The following PEX13 variants were observed in gnomAD, a reference collection of about 807,000 sequenced individuals.
PEX13 encodes peroxisomal biogenesis factor 13.
In PEX13, 28 loss-of-function variants were observed where a neutral mutation model predicts 34.5. That is an observed-to-expected ratio of 0.81 (90% CI 0.60 to 1.11). The LOEUF (loss-of-function observed/expected upper bound fraction) is 1.11. PEX13 is among the 50% of genes most tolerant of loss of function. PEX13 has a pLI of 0.00. For missense variants in PEX13, 550 were observed against 491.0 expected (o/e 1.12, Z -1.13); for synonymous variants, 177 against 175.1 (o/e 1.01, Z -0.09).
chr2:61,031,309 C>T (rs1297591559), intron 1 of PEX13, 110 bp from the exon 2 acceptor site: 1 of 808,912 alleles, frequency 1.2e-6, no homozygotes, highest in East Asian at 2.6e-5. Context: ...ATTAATCAGT[C>T]TTCAGTAGAA....
chr2:61,045,608 C>T (rs958274491), intron 2 of PEX13, 118 bp from the exon 3 acceptor site: 4 of 766,044 alleles, frequency 5.2e-6, no homozygotes, highest in African/African-American at 3.5e-5. Context: ...ATAGTTTTTA[C>T]TTGGGAGGGG....
intron 1 of PEX13, among the ~76,000 whole-genome samples, chr2:61,023,867 C>T (rs1373178694): frequency 1.3e-5 from 2 of 151,884 alleles, no homozygotes; most frequent in Non-Finnish European, 2.9e-5. Flanking sequence ...GCAATCACAC[C>T]TCACTGCAGC....
intron 2 of PEX13, 92 bp downstream of exon 2, chr2:61,032,205 AT>A: frequency 1.1e-6 from 1 of 928,248 alleles, no homozygotes; most frequent in Non-Finnish European, 1.7e-6. Flanking sequence ...ATTGATTTGT[AT>A]TTACTGTTTC....
intron 3 of PEX13, among the ~76,000 whole-genome samples, chr2:61,046,669 A>G (rs573595004): frequency 6.6e-6 from 1 of 152,298 alleles, no homozygotes; most frequent in East Asian, 1.9e-4. Flanking sequence ...GACTCAGAAT[A>G]AGTAAATTGT....
chr2:61,021,020 T>C (rs1296954114), intron 1 of PEX13, among the ~76,000 whole-genome samples: 1 of 152,192 alleles, frequency 6.6e-6, no homozygotes, highest in African/African-American at 2.4e-5. Context: ...TCTGCATCTG[T>C]TGAGACCATT....
chr2:61,042,485 C>T (rs1680640935), intron 2 of PEX13, among the ~76,000 whole-genome samples: 3 of 151,692 alleles, frequency 2.0e-5, no homozygotes, highest in Admixed American at 1.3e-4. Flanking sequence ...TGAATTATTT[C>T]GTTATTGAAT....
intron 2 of PEX13, among the ~76,000 whole-genome samples, chr2:61,032,684 G>A (rs1259961240): frequency 6.6e-6 from 1 of 152,178 alleles, no homozygotes; most frequent in Admixed American, 6.5e-5. Flanking sequence ...CTGGTTGAAT[G>A]TTAAGCTGTA....
chr2:61,024,346 T>A (rs1680314424), intron 1 of PEX13, among the ~76,000 whole-genome samples: 1 of 152,210 alleles, frequency 6.6e-6, no homozygotes. Flanking sequence ...GTCACTTTAC[T>A]CCTTTAACTC....
chr2:61,039,978 C>G (rs1218711874), intron 2 of PEX13, among the ~76,000 whole-genome samples: 1 of 152,128 alleles, frequency 6.6e-6, no homozygotes, highest in African/African-American at 2.4e-5. Context: ...AGCCAACAAA[C>G]ATATGAAAAA....
chr2:61,022,595 G>A (rs1168402518), intron 1 of PEX13, among the ~76,000 whole-genome samples: 1 of 152,200 alleles, frequency 6.6e-6, no homozygotes, highest in Non-Finnish European at 1.5e-5. Context: ...TAAACCAGTT[G>A]GAGTGGTTCA....
intron 2 of PEX13, among the ~76,000 whole-genome samples, chr2:61,039,402 G>A (rs371350485): frequency 1.5e-4 from 23 of 152,114 alleles, no homozygotes; most frequent in African/African-American, 5.5e-4. Context: ...CAAATATATA[G>A]ACCAATGGAA....
chr2:61,041,308 G>A (rs1680622601), intron 2 of PEX13, among the ~76,000 whole-genome samples: 1 of 152,190 alleles, frequency 6.6e-6, no homozygotes, highest in South Asian at 2.1e-4. Flanking sequence ...CAGTTTGGGT[G>A]ACACAGCAAG....
chr2:61,024,625 T>C (rs1270520990), intron 1 of PEX13, among the ~76,000 whole-genome samples: 1 of 152,122 alleles, frequency 6.6e-6, no homozygotes, highest in Non-Finnish European at 1.5e-5. Flanking sequence ...CTGGCTAACA[T>C]GGTGAAGCCC....
Position 61,031,685 on chromosome 2 carries a change from A to G in PEX13, c.359A>G (p.Gln120Arg). 1.9e-6 allele frequency: 3 copies of G among 1,614,230 alleles called. No homozygotes were observed. In the South Asian group the frequency reaches 3.3e-5, roughly 18 times the overall value. The change falls in exon 2 of 4, where the codon CAG (glutamine) becomes CGG (arginine). Residue 120 changes from glutamine to arginine, a missense_variant. Transcript: ENST00000295030. ...VDDLPPSRFVQQAEESSRGAF... is the reference protein window; with the variant it reads ...VDDLPPSRFVRQAEESSRGAF... ...GATCTTCCACCCAGTAGATTTGTTCAGCAAGCTGAAGAAAGCAGCAGGGGT... is the reference window on the plus strand; with the variant it reads ...GATCTTCCACCCAGTAGATTTGTTCGGCAAGCTGAAGAAAGCAGCAGGGGT...
chr2:61,034,537 G>A (rs1236866874), intron 2 of PEX13, among the ~76,000 whole-genome samples: 1 of 152,158 alleles, frequency 6.6e-6, no homozygotes, highest in Non-Finnish European at 1.5e-5. Context: ...GGGGTCAGGG[G>A]ATTTCCCTTT....
intron 2 of PEX13, among the ~76,000 whole-genome samples, chr2:61,043,006 T>C (rs1468451680): frequency 6.6e-6 from 1 of 152,342 alleles, no homozygotes; most frequent in Non-Finnish European, 1.5e-5. Flanking sequence ...GAGTTTGTTA[T>C]ACAAGCTAGT....
At chr2:61,018,065 G>A in intron 1 of PEX13, 4 of 1,499,564 alleles carry the variant, frequency 2.7e-6, no homozygotes, top group Non-Finnish European at 3.6e-6. Flanking sequence ...AATCAGCAAC[G>A]TTTTTTTCGG....
At chr2:61,018,205 G>A in intron 1 of PEX13, 1 of 1,551,034 alleles carries the variant, frequency 6.4e-7, no homozygotes, top group Non-Finnish European at 8.7e-7. Flanking sequence ...GTCTGTAGCA[G>A]TTGAGAGCGG....
chr2:61,019,775 A>C (rs901221688), intron 1 of PEX13, among the ~76,000 whole-genome samples: 1 of 152,184 alleles, frequency 6.6e-6, no homozygotes, highest in African/African-American at 2.4e-5. Context: ...AAGTCTTGAT[A>C]TGTAGTATGT....
Sources: gnomAD v4.1 joint callset for allele counts (sites outside exome capture counted in the v4.1 genomes callset) on GRCh38, gnomAD v4.1.1 for gene constraint, MANE v1.5 for transcripts, NCBI Gene and HGNC (gene_info 2026-07-23, HGNC 2026-07-21) for gene names.